The following DTNA variants were observed in gnomAD, a reference collection of about 807,000 sequenced individuals.
DTNA encodes the protein dystrobrevin alpha.
DTNA carries 43 observed loss-of-function variants against 100.7 expected under a neutral mutation model. The observed-to-expected ratio is 0.43, with a 90% CI of 0.33 to 0.55. The LOEUF (loss-of-function observed/expected upper bound fraction) is 0.55. Among genes scored for constraint, DTNA ranks in the 20% least tolerant of loss-of-function variants. DTNA has a pLI of 0.04. For missense variants in DTNA, 798 were observed against 953.9 expected (o/e 0.84, Z 2.15); for synonymous variants, 349 against 347.9 (o/e 1.00, Z -0.04).
At chr18:34,642,313 A>G (rs1568099626) in intron 1 of DTNA, among the ~76,000 whole-genome samples, 3 of 151,824 alleles carry the variant, frequency 2.0e-5, no homozygotes, top group Non-Finnish European at 4.4e-5. Context: ...TCTCTGAGAA[A>G]CTCCCACCCT....
At chr18:34,869,449 A>G (rs1443384919) in intron 17 of DTNA, among the ~76,000 whole-genome samples, 4 of 152,204 alleles carry the variant, frequency 2.6e-5, no homozygotes, top group Non-Finnish European at 5.9e-5. Context: ...AAAAAGAGTC[A>G]TTTTTATGTT....
chr18:34,806,352 C>A (rs1205021060), intron 5 of DTNA, 48 bp downstream of exon 5: 1 of 1,508,096 alleles, frequency 6.6e-7, no homozygotes, highest in Admixed American at 1.7e-5. Context: ...TTGCTAGGTA[C>A]CACCCTTTTC....
intron 3 of DTNA, among the ~76,000 whole-genome samples, chr18:34,790,751 C>A (rs2094702570): frequency 6.6e-6 from 1 of 151,684 alleles, no homozygotes; most frequent in African/African-American, 2.4e-5. Flanking sequence ...CACACTCTGG[C>A]TGCAGTGAGT....
At chr18:34,602,951 C>T (rs1392658207) in intron 1 of DTNA, among the ~76,000 whole-genome samples, 2 of 150,788 alleles carry the variant, frequency 1.3e-5, no homozygotes, top group African/African-American at 2.4e-5. Context: ...TGCAGTGAAC[C>T]GAGATCACGC....
At chr18:34,758,000 C>T (rs770313628) in intron 2 of DTNA, among the ~76,000 whole-genome samples, 3 of 152,152 alleles carry the variant, frequency 2.0e-5, no homozygotes, top group African/African-American at 4.8e-5. Context: ...GGCACATCCA[C>T]AATAAGTAGG....
chr18:34,878,017 G>A (rs1194726021), intron 19 of DTNA, among the ~76,000 whole-genome samples: 28 of 151,650 alleles, frequency 1.8e-4, no homozygotes, highest in Admixed American at 1.7e-3. Flanking sequence ...TGTGTTGCCC[G>A]GCTGAAGTAC....
rs111850889 is a variant in DTNA, at chr18:34,561,744, A to G, written c.-2+68230A>G. Among the ~76,000 whole-genome samples, 501 of 152,300 alleles carry G rather than the reference A, an allele frequency of 3.3e-3. 3 individuals are homozygous for G. Among genetic ancestry groups the G allele is most frequent in the African/African-American group, 0.011 (467 of 41,572 alleles). On this transcript the variant is annotated intron_variant, in intron 1 of 19. Coordinates refer to the DTNA transcript ENST00000283365. ...AGAAAAAGTATTAACATTTTGCTGC[A>G]TGTGCTTACTACGTTAGAGAAAAAG...
chr18:34,869,986 A>T (rs974515963), intron 17 of DTNA, among the ~76,000 whole-genome samples: 2 of 152,156 alleles, frequency 1.3e-5, no homozygotes, highest in Non-Finnish European at 2.9e-5. Flanking sequence ...GTGCCACTGC[A>T]CTCCAGCCTG....
At chr18:34,786,397 C>T (rs2094508582) in intron 3 of DTNA, among the ~76,000 whole-genome samples, 1 of 152,072 alleles carries the variant, frequency 6.6e-6, no homozygotes, top group South Asian at 2.1e-4. Flanking sequence ...GAAATTCATG[C>T]CGGGAATATT....
chr18:34,608,513 G>GTTT (rs34065264), intron 1 of DTNA, among the ~76,000 whole-genome samples: 2 of 144,536 alleles, frequency 1.4e-5, no homozygotes, highest in Admixed American at 6.9e-5. Context: ...TATTCGTTAG[G>GTTT]TTTTTTTTTT....
intron 11 of DTNA, among the ~76,000 whole-genome samples, chr18:34,834,109 C>T (rs1427260877): frequency 2.6e-5 from 4 of 152,112 alleles, no homozygotes; most frequent in East Asian, 1.9e-4. Context: ...TAATATAGCA[C>T]CTTGAAGGGA....
At chr18:34,673,703 T>A (rs2077050013) in intron 1 of DTNA, among the ~76,000 whole-genome samples, 1 of 152,206 alleles carries the variant, frequency 6.6e-6, no homozygotes, top group Admixed American at 6.5e-5. Context: ...CTTTGTGGCG[T>A]GAAAAATTCT....
chr18:34,692,744 G>A (rs1459151389), intron 1 of DTNA, among the ~76,000 whole-genome samples: 2 of 152,184 alleles, frequency 1.3e-5, no homozygotes, highest in African/African-American at 4.8e-5. Context: ...TCGTTGATGT[G>A]CACATAAGCC....
chr18:34,619,063 G>C (rs910284103), intron 1 of DTNA, among the ~76,000 whole-genome samples: 1 of 152,170 alleles, frequency 6.6e-6, no homozygotes, highest in Admixed American at 6.5e-5. Context: ...GTTTGTGTGT[G>C]CATGCAATAT....
intron 1 of DTNA, among the ~76,000 whole-genome samples, chr18:34,630,779 G>A (rs182464933): frequency 2.6e-5 from 4 of 151,920 alleles, no homozygotes; most frequent in African/African-American, 9.7e-5. Context: ...GCAGATAAAT[G>A]ATAAATTTCA....
rs115501716 is a variant in DTNA at position 34,848,188 on chromosome 18, A to T, written c.1347-108A>T. On this transcript the variant is annotated intron_variant, in intron 13 of 22. Coordinates refer to ENST00000444659, the MANE Select transcript of DTNA (RefSeq NM_001386795.1). ...CTAACAGGGTTTTGTGTAGTTTGCA[A>T]ATCTTTTGCACCAAAACATTGAAAT... 2.1e-4 allele frequency: 221 copies of T among 1,050,476 alleles called. No homozygotes were observed. In the African/African-American group the frequency reaches 3.0e-3, roughly 14 times the overall value. 65.1% of individuals were successfully genotyped at this position (1,050,476 alleles called of 1,614,324 possible).
At chr18:34,804,010 T>C (rs1184169511) in intron 4 of DTNA, among the ~76,000 whole-genome samples, 1 of 152,210 alleles carries the variant, frequency 6.6e-6, no homozygotes, top group East Asian at 1.9e-4. Context: ...TAGAATCCAG[T>C]CACATTGTGG....
chr18:34,695,419 T>A (rs781281543), intron 1 of DTNA, among the ~76,000 whole-genome samples: 1 of 152,190 alleles, frequency 6.6e-6, no homozygotes, highest in Non-Finnish European at 1.5e-5. Context: ...AATATTCAGA[T>A]CCTTTTCATA....
At chr18:34,825,311 G>A (rs554467264) in intron 9 of DTNA, 1 of 1,612,978 alleles carries the variant, frequency 6.2e-7, no homozygotes, top group Non-Finnish European at 8.5e-7. Flanking sequence ...TACTTACAAA[G>A]ATGTATAATC....
Sources: gnomAD v4.1 joint callset for allele counts (sites outside exome capture counted in the v4.1 genomes callset) on GRCh38, gnomAD v4.1.1 for gene constraint, MANE v1.5 for transcripts, NCBI Gene and HGNC (gene_info 2026-07-23, HGNC 2026-07-21) for gene names.